Variants in CCDC149 observed in about 807,000 individuals in gnomAD.
The protein encoded by CCDC149 is coiled-coil domain containing 149, also known as coiled-coil domain-containing protein 149.
Under a neutral mutation model 59.9 loss-of-function variants are expected in CCDC149, and 45 were observed. That is an observed-to-expected ratio of 0.75 (90% confidence interval 0.59 to 0.96). CCDC149 has a LOEUF of 0.96. Ranked by LOEUF, CCDC149 falls within the 40% of genes least tolerant of loss-of-function variation. CCDC149 has a pLI of 0.00. For missense variants in CCDC149, 584 were observed against 664.7 expected, an observed-to-expected ratio of 0.88 and a Z score of 1.33; for synonymous variants, 245 against 260.6, an observed-to-expected ratio of 0.94 and a Z score of 0.58.
Position 24,819,943 on chromosome 4 carries a change from T to A in CCDC149, c.1108A>T (p.Thr370Ser). ...CTCGACCTCTGTCCACTAGGAAGAG[T>A]GGGGTCGCTGAACAGTATGGTGTCC... The change falls in exon 12 of 13, where the codon ACT becomes TCT. Residue 370 changes from threonine (T) to serine (S), a missense_variant. By Grantham distance (58) the Thr-to-Ser change is moderately conservative. Coordinates refer to ENST00000635206, the MANE Select transcript of CCDC149 (RefSeq NM_001330643.2). The A allele has an allele frequency of 6.4e-7, 1 of 1,550,570 alleles. No homozygotes were observed. Among genetic ancestry groups the A allele is most frequent in the Non-Finnish European group, 8.7e-7 (1 of 1,146,646 alleles).
At chr4:24,886,789 A>G (rs546157503) in intron 1 of CCDC149, among the ~76,000 whole-genome samples, 13 of 152,284 alleles carry the variant, frequency 8.5e-5, no homozygotes, top group Admixed American at 7.8e-4. Flanking sequence ...GGCGAGGCTC[A>G]CGTGGCTGCC....
intron 4 of CCDC149, among the ~76,000 whole-genome samples, chr4:24,839,028 T>TCACA (rs56226858): frequency 5.7e-4 from 75 of 132,098 alleles, no homozygotes; most frequent in East Asian, 1.6e-3. Context: ...TCTCTCTCTC[T>TCACA]CACACACACA....
At chr4:24,961,189 G>A (rs1302260148) in intron 1 of CCDC149, among the ~76,000 whole-genome samples, 5 of 152,130 alleles carry the variant, frequency 3.3e-5, no homozygotes, top group Admixed American at 3.3e-4. Context: ...AGAAGAAGGT[G>A]GATAGCCTAG....
upstream of CCDC149, among the ~76,000 whole-genome samples, chr4:24,917,638 G>A (rs1722167734): frequency 6.6e-6 from 1 of 152,124 alleles, no homozygotes; most frequent in Admixed American, 6.5e-5. Flanking sequence ...ACCATGGGAG[G>A]AGAGCGGAAA....
At chr4:24,831,379 C>T in intron 9 of CCDC149, 127 bp downstream of exon 9, 1 of 881,196 alleles carries the variant, frequency 1.1e-6, no homozygotes, top group Non-Finnish European at 1.8e-6. Context: ...TAATAAGTTT[C>T]CTTCTTGATT....
At chr4:24,978,953 TCTTACCCTGA>T (rs141567120) in intron 1 of CCDC149, among the ~76,000 whole-genome samples, 3,680 of 152,288 alleles carry the variant, frequency 0.024, 153 homozygotes, top group African/African-American at 0.083. Context: ...TGCACTTTGT[TCTTACCCTGA>T]GTTACCCCGA....
At chr4:24,826,023 T>A (rs1715717995) in intron 9 of CCDC149, among the ~76,000 whole-genome samples, 1 of 151,982 alleles carries the variant, frequency 6.6e-6, no homozygotes. Context: ...TGGCATGATC[T>A]CAGCTCACGG....
intron 1 of CCDC149, among the ~76,000 whole-genome samples, chr4:24,952,896 C>T (rs1263164512): frequency 1.3e-5 from 2 of 151,818 alleles, no homozygotes; most frequent in African/African-American, 4.8e-5. Flanking sequence ...AATTTGGCTA[C>T]TTCAGACACC....
In CCDC149 at chr4:24,831,337, T is replaced by G. The variant is rs2109128155; in HGVS notation, c.965+169A>C. ...GCTTGGCTCCAGCTGATAGCCAAGA[T>G]GCTGATATAAAGCAGAAGCACCATT... On this transcript the variant is annotated intron_variant, in intron 9 of 12. Transcript: ENST00000635206. 6.1e-6 allele frequency: 4 copies of G among 653,680 alleles called. No homozygotes were observed. The East Asian group carries it at 1.1e-4, about 18-fold the overall frequency. 40.5% of individuals were successfully genotyped at this position (653,680 alleles called of 1,614,324 possible). A position where few individuals can be genotyped will look rare whatever the true frequency, so the allele number is the denominator to read the frequency against.
At position 24,808,101 on chromosome 4, in the gene CCDC149, G is replaced by T; in HGVS notation, c.*288C>A. 1 of 279,660 alleles carries T rather than the reference G, an allele frequency of 3.6e-6. No individual in the cohort carries two copies. Among genetic ancestry groups the T allele is most frequent in the Non-Finnish European group, 6.6e-6 (1 of 151,208 alleles). 17.3% of individuals were successfully genotyped at this position (279,660 alleles called of 1,614,324 possible). Reference sequence around the variant, plus strand: ...AAAAGCTGACAGAAAGACGGATGCTGAAAACCAGCCATATGGTGGACACGA... The same window carrying T: ...AAAAGCTGACAGAAAGACGGATGCTTAAAACCAGCCATATGGTGGACACGA... On this transcript the variant is annotated 3_prime_UTR_variant, in exon 13 of 13. Coordinates refer to ENST00000635206, the MANE Select transcript of CCDC149 (RefSeq NM_001330643.2).
At chr4:24,949,205 C>T (rs1723203565) in intron 1 of CCDC149, among the ~76,000 whole-genome samples, 1 of 152,186 alleles carries the variant, frequency 6.6e-6, no homozygotes, top group African/African-American at 2.4e-5. Flanking sequence ...TCATTAAACT[C>T]TTCTCAAGAC....
chr4:24,816,992 C>T (rs1052930111), intron 12 of CCDC149, among the ~76,000 whole-genome samples: 4 of 152,178 alleles, frequency 2.6e-5, no homozygotes, highest in Admixed American at 2.6e-4. Context: ...TGAGGCCATC[C>T]CGGACGCTGA....
intron 1 of CCDC149, among the ~76,000 whole-genome samples, chr4:24,887,114 C>A (rs1425976593): frequency 2.0e-5 from 3 of 152,094 alleles, no homozygotes; most frequent in Non-Finnish European, 4.4e-5. Flanking sequence ...AAACCATTGG[C>A]CATTGAGGGG....
At chr4:24,963,785 G>A (rs144014769) in intron 1 of CCDC149, among the ~76,000 whole-genome samples, 19 of 152,310 alleles carry the variant, frequency 1.2e-4, no homozygotes, top group East Asian at 5.8e-4. Context: ...TAAGGCATTC[G>A]TCATGAAAAT....
intron 3 of CCDC149, among the ~76,000 whole-genome samples, chr4:24,868,197 A>G (rs1290545227): frequency 1.3e-5 from 2 of 152,118 alleles, no homozygotes; most frequent in East Asian, 3.9e-4. Flanking sequence ...CTCCCTTTCC[A>G]TACTTGCCCA....
At chr4:24,894,697 G>C (rs1043749986) in intron 1 of CCDC149, among the ~76,000 whole-genome samples, 2 of 151,014 alleles carry the variant, frequency 1.3e-5, no homozygotes, top group East Asian at 2.0e-4. Flanking sequence ...TGTTCGAAAG[G>C]GCATCTCACA....
At chr4:24,932,071 C>G (rs1166023353) in intron 1 of CCDC149, among the ~76,000 whole-genome samples, 1 of 151,804 alleles carries the variant, frequency 6.6e-6, no homozygotes, top group Non-Finnish European at 1.5e-5. Context: ...AGGATTCTAG[C>G]ACAGCCAGTT....
At chr4:24,938,795 T>G (rs1179162175) in intron 1 of CCDC149, among the ~76,000 whole-genome samples, 1 of 152,228 alleles carries the variant, frequency 6.6e-6, no homozygotes, top group Non-Finnish European at 1.5e-5. Context: ...CCTCACTCAT[T>G]GTTAGCACAG....
chr4:24,974,087 A>C (rs1475047004), intron 1 of CCDC149, among the ~76,000 whole-genome samples: 1 of 152,264 alleles, frequency 6.6e-6, no homozygotes, highest in African/African-American at 2.4e-5. Flanking sequence ...AAATCCTGCA[A>C]AGGAGAGCGC....
Sources: allele counts gnomAD v4.1 joint callset (sites outside exome capture counted in the v4.1 genomes callset), GRCh38; gene constraint gnomAD v4.1.1; transcripts MANE v1.5; gene names NCBI Gene and HGNC (gene_info 2026-07-23, HGNC 2026-07-21).